Variants in PLD1 observed in about 807,000 individuals in gnomAD.
PLD1 encodes choline phosphatase 1.
A neutral mutation model predicts 137.1 loss-of-function variants in PLD1; 112 were observed. The ratio of observed to expected loss-of-function variants is 0.82; its 90% CI spans 0.70 to 0.96. PLD1 has a LOEUF of 0.96. PLD1 is among the 40% of genes least tolerant of loss of function. The pLI is 0.00. For synonymous variants in PLD1, 431 were observed against 454.7 expected (o/e 0.95, Z 0.66); for missense variants, 1,321 against 1,342.0 (o/e 0.98, Z 0.24).
At chr3:171,697,105 C>G (rs16856569) in intron 12 of PLD1, among the ~76,000 whole-genome samples, 27,778 of 152,078 alleles carry the variant, frequency 0.18, 2,633 homozygotes, top group South Asian at 0.24. Context: ...TGAGCCCTAC[C>G]GAGGCATTTA....
intron 16 of PLD1, among the ~76,000 whole-genome samples, chr3:171,684,922 T>C (rs1714395520): frequency 6.6e-6 from 1 of 152,224 alleles, no homozygotes; most frequent in African/African-American, 2.4e-5. Context: ...GATGCTGTTA[T>C]GATTTATAGA....
At chr3:171,620,738 CTCTCTATA>C (rs1325026755) in intron 23 of PLD1, among the ~76,000 whole-genome samples, 164 of 77,064 alleles carry the variant, frequency 2.1e-3, no homozygotes, top group Non-Finnish European at 2.9e-3. Flanking sequence ...CTCTCTCTCT[CTCTCTATA>C]TATATATATA....
rs1236476773 is a variant in PLD1, at chr3:171,637,468, C to T, written c.2593+5372G>A. Among the ~76,000 whole-genome samples the T allele has an allele frequency of 6.6e-5, 10 of 151,954 alleles. No individual in the cohort carries two copies. The South Asian group carries it at 1.5e-3, about 22-fold the overall frequency. On this transcript the variant is annotated intron_variant, in intron 23 of 26. Coordinates refer to ENST00000351298, the MANE Select transcript of PLD1 (RefSeq NM_002662.5). ...CAGGATGGTCTCGATCTCTTGACCTCGTGATCCACCTGCCTCAGCCTCCCA... is the reference window on the plus strand; with the variant it reads ...CAGGATGGTCTCGATCTCTTGACCTTGTGATCCACCTGCCTCAGCCTCCCA...
chr3:171,664,647 C>T lies in PLD1; in HGVS notation c.2230-2477G>A, dbSNP rs558435482. On this transcript the variant is annotated intron_variant, in intron 19 of 26. Transcript: ENST00000351298. ...TATTTTTTTTTATTTTTAGTAGAGA[C>T]GGGGTTTTGCCATGTTGGCCAGGCT... Among the ~76,000 whole-genome samples, 18 of 151,832 alleles carry T rather than the reference C, an allele frequency of 1.2e-4. No individual in the cohort carries two copies. The South Asian group carries it at 1.2e-3, about 11-fold the overall frequency.
intron 1 of PLD1, among the ~76,000 whole-genome samples, chr3:171,771,576 T>C (rs1438158208): frequency 6.6e-6 from 1 of 152,180 alleles, no homozygotes; most frequent in African/African-American, 2.4e-5. Context: ...AAGAGAACTC[T>C]CACTCCCTTC....
At chr3:171,635,876 G>A (rs746306696) in intron 23 of PLD1, among the ~76,000 whole-genome samples, 32 of 150,258 alleles carry the variant, frequency 2.1e-4, no homozygotes, top group Non-Finnish European at 4.0e-4. Context: ...ATTTTCTTCC[G>A]GGAAATGTAT....
At chr3:171,762,707 A>G (rs1721490549) in intron 1 of PLD1, among the ~76,000 whole-genome samples, 1 of 152,194 alleles carries the variant, frequency 6.6e-6, no homozygotes, top group Non-Finnish European at 1.5e-5. Flanking sequence ...AAGGAACAAT[A>G]TATGCATCTC....
chr3:171,616,487 A>C (rs1306268858), intron 24 of PLD1, among the ~76,000 whole-genome samples: 1 of 152,228 alleles, frequency 6.6e-6, no homozygotes, highest in African/African-American at 2.4e-5. Flanking sequence ...TAAGGTTGCT[A>C]ATCAGCTAAC....
intron 5 of PLD1, among the ~76,000 whole-genome samples, 157 bp from the exon 6 acceptor site, chr3:171,733,666 G>A (rs537462567): frequency 6.6e-6 from 1 of 152,218 alleles, no homozygotes; most frequent in Admixed American, 6.5e-5. Flanking sequence ...ATCCTGAATA[G>A]CATTAAGGTG....
Position 171,682,166 on chromosome 3 carries a change from A to G in PLD1, c.1868-4472T>C, listed in dbSNP as rs200946128. ...AAAGAAAGAAAGAAAGAAAGAAAGA[A>G]AAAGAAAGAAAGAAAGAAAGAAAGG... is the stretch of plus-strand genomic sequence containing the variant. On this transcript the variant is annotated intron_variant, in intron 16 of 26. Coordinates refer to ENST00000351298, the MANE Select transcript of PLD1 (RefSeq NM_002662.5). 1.3e-3 allele frequency among the ~76,000 whole-genome samples: 39 copies of G among 29,472 alleles called. 2 individuals carry two copies. Among genetic ancestry groups the G allele is most frequent in the African/African-American group, 2.7e-3 (15 of 5,588 alleles). The allele number at this position is 29,472 out of a possible 152,430, so 19.3% of individuals were successfully genotyped here.
intron 23 of PLD1, among the ~76,000 whole-genome samples, chr3:171,641,497 T>G (rs1288368368): frequency 6.6e-6 from 1 of 152,174 alleles, no homozygotes; most frequent in Non-Finnish European, 1.5e-5. Flanking sequence ...GTGCACCCCA[T>G]TTGGGAGGCT....
At chr3:171,668,374 C>T (rs1261910624) in intron 19 of PLD1, among the ~76,000 whole-genome samples, 2 of 152,196 alleles carry the variant, frequency 1.3e-5, no homozygotes, top group Admixed American at 6.5e-5. Flanking sequence ...CACCTATCTA[C>T]TTTATTCTCT....
At chr3:171,686,188 A>G (rs968743950) in intron 16 of PLD1, among the ~76,000 whole-genome samples, 1 of 151,906 alleles carries the variant, frequency 6.6e-6, no homozygotes, top group Non-Finnish European at 1.5e-5. Context: ...TGAATGTCAT[A>G]TATCTTCTTA....
At chr3:171,656,511 T>C (rs1410497314) in intron 21 of PLD1, among the ~76,000 whole-genome samples, 1 of 152,214 alleles carries the variant, frequency 6.6e-6, no homozygotes, top group East Asian at 1.9e-4. Flanking sequence ...TAAAGACAAA[T>C]TACTACAGTA....
intron 1 of PLD1, among the ~76,000 whole-genome samples, chr3:171,788,254 T>C (rs1471416293): frequency 9.6e-6 from 1 of 104,214 alleles, no homozygotes; most frequent in Non-Finnish European, 2.0e-5. Flanking sequence ...GCACTTCTTT[T>C]TTTTTTTTTT....
chr3:171,668,858 C>A lies in PLD1; in HGVS notation c.2229+5642G>T, dbSNP rs142860214. 6.1e-3 allele frequency among the ~76,000 whole-genome samples: 928 copies of A among 152,248 alleles called. 6 individuals are homozygous for A. Among genetic ancestry groups the A allele is most frequent in the Middle Eastern group, 0.034 (10 of 294 alleles). ...CTGTCTTTATAATATATCTTAAATG[C>A]CATTAAGACCATTCTGGAACTGAGT... On this transcript the variant is annotated intron_variant, in intron 19 of 26. Coordinates refer to ENST00000351298, the MANE Select transcript of PLD1 (RefSeq NM_002662.5).
chr3:171,763,673 T>C (rs978929786), intron 1 of PLD1, among the ~76,000 whole-genome samples: 2 of 152,088 alleles, frequency 1.3e-5, no homozygotes, highest in Non-Finnish European at 1.5e-5. Context: ...ACACAATTAT[T>C]CCTGATCCCT....
At chr3:171,732,173 C>G (rs563301476) in intron 6 of PLD1, among the ~76,000 whole-genome samples, 33 of 152,306 alleles carry the variant, frequency 2.2e-4, no homozygotes, top group Admixed American at 4.6e-4. Flanking sequence ...GACAACACAA[C>G]AGGAGGTATC....
At chr3:171,747,750 T>TA (rs1156409989) in intron 1 of PLD1, among the ~76,000 whole-genome samples, 1 of 152,206 alleles carries the variant, frequency 6.6e-6, no homozygotes, top group Non-Finnish European at 1.5e-5. Context: ...AATCTGTCCT[T>TA]ACAACAGACC....
Sources: allele counts gnomAD v4.1 joint callset (sites outside exome capture counted in the v4.1 genomes callset), GRCh38; gene constraint gnomAD v4.1.1; transcripts MANE v1.5; gene names NCBI Gene and HGNC (gene_info 2026-07-23, HGNC 2026-07-21).